The following PTK6 variants were observed in gnomAD, a reference collection of about 807,000 sequenced individuals.
PTK6 encodes the protein protein-tyrosine kinase 6.
In PTK6, 47 loss-of-function variants were observed where a neutral mutation model predicts 47.5. The observed-to-expected ratio is 0.99, with a 90% confidence interval of 0.78 to 1.26. The LOEUF is 1.26. Among genes scored for constraint, PTK6 ranks in the 50% most tolerant of loss-of-function variants. The pLI is 0.00. For missense variants in PTK6, 618 were observed against 625.3 expected (o/e 0.99, Z 0.12); for synonymous variants, 287 against 276.5 (o/e 1.04, Z -0.38).
rs910299645 is a variant in PTK6 at position 63,533,343 on chromosome 20, G to A, written c.670+208C>T. 6.6e-6 allele frequency among the ~76,000 whole-genome samples: 1 copy of A among 152,138 alleles called. No individual in the cohort carries two copies. The highest frequency in any genetic ancestry group is 2.4e-5 in the African/African-American group (1 of 41,418). On this transcript the variant is annotated intron_variant, in intron 4 of 7. Transcript: ENST00000542869. The surrounding 1 kb of genome is among the most constrained non-coding windows in gnomAD (Gnocchi z 4.0). ...GGCTTCCCAAAGTGTGGGGATTACA[G>A]ATGTGAGCCACCGTGCCCGGCCTAA...
chr20:63,534,911 G>A (rs2082652188), intron 2 of PTK6, 27 bp downstream of exon 2: 2 of 1,576,924 alleles, frequency 1.3e-6, no homozygotes, highest in Non-Finnish European at 1.7e-6. Context: ...CCGCAGGCAA[G>A]CACAGGCTCG....
In PTK6 at chr20:63,533,442, G is replaced by T. The variant is rs113689887; in HGVS notation, c.670+109C>A. 1.8e-5 allele frequency: 24 copies of T among 1,308,872 alleles called. No homozygotes were observed. Among genetic ancestry groups the T allele is most frequent in the Non-Finnish European group, 2.4e-5 (23 of 966,920 alleles). The allele number at this position is 1,308,872 out of a possible 1,614,324, so 81.1% of individuals were successfully genotyped here. A position where few individuals can be genotyped will look rare whatever the true frequency, so the allele number is the denominator to read the frequency against. On this transcript the variant is annotated intron_variant, in intron 4 of 7. Coordinates refer to ENST00000542869, the MANE Select transcript of PTK6 (RefSeq NM_005975.4). This position sits in a 1 kb window ranked among gnomAD's most constrained non-coding sequence, Gnocchi z 4.0. ...GAAAGGGAACCACTCTCGCATGGAC[G>T]CTGTGGGTGCTGCTTGGGGCTCGAG... is the stretch of plus-strand genomic sequence containing the variant.
intron 5 of PTK6, among the ~76,000 whole-genome samples, chr20:63,531,566 G>A (rs2082621702): frequency 6.7e-6 from 1 of 149,484 alleles, no homozygotes; most frequent in Non-Finnish European, 1.5e-5. Flanking sequence ...AGTGAGCCGA[G>A]ACTGCGCCAT....
At chr20:63,535,358 A>G (rs2082656420) in intron 1 of PTK6, among the ~76,000 whole-genome samples, 1 of 152,122 alleles carries the variant, frequency 6.6e-6, no homozygotes, top group Non-Finnish European at 1.5e-5. Context: ...GCAGCTGAGC[A>G]GGATGGCTGC....
chr20:63,535,774 T>A (rs1331680688), intron 1 of PTK6, among the ~76,000 whole-genome samples: 2 of 1,636 alleles, frequency 1.2e-3, no homozygotes, highest in Non-Finnish European at 2.6e-3. Flanking sequence ...GCCCCCCCCC[T>A]CACCTGGCCT....
Position 63,530,159 on chromosome 20 carries a change from G to A in PTK6, c.1087C>T (p.His363Tyr), listed in dbSNP as rs151098954. Reference protein sequence around the residue: ...WTAPEALSRGHYSTKSDVWSF... With the variant: ...WTAPEALSRGYYSTKSDVWSF... ...CAGACGTCGGATTTGGTGGAGTAAT[G>A]GCCTCGGGAGAGCGCTTCAGGGGCC... Residue 363 changes from histidine to tyrosine, a missense_variant, in exon 7 of 8, where the codon CAT (histidine) becomes TAT (tyrosine). Transcript: ENST00000542869. This position sits in a 1 kb window ranked among gnomAD's most constrained non-coding sequence, Gnocchi z 4.1. The A allele has an allele frequency of 6.8e-5, 109 of 1,614,108 alleles. No individual in the cohort carries two copies. In the African/African-American group the frequency reaches 1.2e-3, roughly 18 times the overall value.
In PTK6 at chr20:63,533,023, A is replaced by G. The variant is rs1376970982; in HGVS notation, c.671-336T>C. ...TTACCCATTTCCAGTGATCTATTTT[A>G]ATGGCTTTCCATTACGTCAAGGATT... is the stretch of plus-strand genomic sequence containing the variant. On this transcript the variant is annotated intron_variant, in intron 4 of 7. Transcript: ENST00000542869. The surrounding 1 kb of genome is among the most constrained non-coding windows in gnomAD (Gnocchi z 4.0). 1.3e-5 allele frequency among the ~76,000 whole-genome samples: 2 copies of G among 151,346 alleles called. No homozygotes were observed. Among genetic ancestry groups the G allele is most frequent in the African/African-American group, 4.9e-5 (2 of 41,110 alleles).
At chr20:63,536,257 C>G (rs907540817) in intron 1 of PTK6, among the ~76,000 whole-genome samples, 3 of 131,400 alleles carry the variant, frequency 2.3e-5, no homozygotes, top group African/African-American at 9.0e-5. Context: ...TGGGAGCTGA[C>G]CAGCCTCCGG....
At position 63,537,270 on chromosome 20, in the gene PTK6, G is replaced by T. The variant is rs1157653093; in HGVS notation, c.45C>A (p.Gly15=). The change falls in exon 1 of 8, where the codon GGC becomes GGA. Residue 15 remains glycine (G), a synonymous_variant. Coordinates refer to ENST00000542869, the MANE Select transcript of PTK6 (RefSeq NM_005975.4). ...CCGTCCGGGACTTGAAGTCCCAGAG[G>T]CCCACATACTTGGGGCCCAGGTGAG... ...DQAHLGPKYV[G]LWDFKSRTDE... The T allele has an allele frequency of 6.2e-7, 1 of 1,612,190 alleles. No homozygotes were observed. The highest frequency in any genetic ancestry group is 1.1e-5 in the South Asian group (1 of 91,016).
Position 63,533,571 on chromosome 20 carries a change from GC to G in PTK6, c.649del (p.Ala217ProfsTer4). The part of the protein sequence containing the change: ...EGLWKDRVQV[A>X]IKVISRDNLL... Reference sequence around the variant, plus strand: ...CTCACCTCGAGAAATCACCTTAATGGCCACCTGGACCCGGTCTTTCCAGAGC... The same window carrying G: ...CTCACCTCGAGAAATCACCTTAATGGCACCTGGACCCGGTCTTTCCAGAGC... On this transcript the variant is annotated frameshift_variant, in exon 4 of 8. Transcript: ENST00000542869. LOFTEE classifies it high-confidence loss of function. This position sits in a 1 kb window ranked among gnomAD's most constrained non-coding sequence, Gnocchi z 4.0. The G allele has an allele frequency of 6.2e-7, 1 of 1,611,860 alleles. No homozygotes were observed. The highest frequency in any genetic ancestry group is 8.5e-7 in the Non-Finnish European group (1 of 1,178,920).
intron 2 of PTK6, 102 bp downstream of exon 2, chr20:63,534,836 C>G (rs370462257): frequency 2.1e-6 from 3 of 1,432,624 alleles, no homozygotes; most frequent in South Asian, 2.8e-5. Context: ...GAGCCCATGT[C>G]CCCCGTCTCA....
chr20:63,531,299 T>C (rs2145970651), intron 5 of PTK6, among the ~76,000 whole-genome samples: 1 of 150,658 alleles, frequency 6.6e-6, no homozygotes, highest in Admixed American at 6.6e-5. Context: ...CGGGCGCCTG[T>C]AGTCCCAGCT....
At chr20:63,535,183 G>C in intron 1 of PTK6, 124 bp from the exon 2 acceptor site, 1 of 1,332,856 alleles carries the variant, frequency 7.5e-7, no homozygotes, top group African/African-American at 1.5e-5. Context: ...TCCCAGCCCT[G>C]ACCACAGCTG....
At chr20:63,535,085 G>A (rs547738791) in intron 1 of PTK6, 26 bp from the exon 2 acceptor site, 28 of 1,571,462 alleles carry the variant, frequency 1.8e-5, no homozygotes, top group South Asian at 1.6e-4. Flanking sequence ...CTGAGAACAC[G>A]CGGACCTGGG....
rs559680179 is a variant in PTK6 at position 63,532,387 on chromosome 20, GTGTC to G, written c.832+135_832+138del. The G allele has an allele frequency of 0.023, 25,506 of 1,111,710 alleles. 4,486 individuals are homozygous for G. The African/African-American group carries it at 0.45, about 20-fold the overall frequency. 68.9% of individuals were successfully genotyped at this position (1,111,710 alleles called of 1,614,324 possible). ...TGTGTGTCTCTGTGTGTCTGTGTCT[GTGTC>G]TGTGTGTGCATGTGTGTGTCTGTGT... On this transcript the variant is annotated intron_variant, in intron 5 of 7. Coordinates refer to ENST00000542869, the MANE Select transcript of PTK6 (RefSeq NM_005975.4).
chr20:63,536,895 C>T (rs936197942), intron 1 of PTK6, among the ~76,000 whole-genome samples, 190 bp downstream of exon 1: 2 of 152,382 alleles, frequency 1.3e-5, no homozygotes, highest in African/African-American at 4.8e-5. Flanking sequence ...GTCCTGGGCA[C>T]TCCTGGGCGC....
intron 1 of PTK6, among the ~76,000 whole-genome samples, chr20:63,535,660 C>T (rs967452949): frequency 6.6e-6 from 1 of 151,868 alleles, no homozygotes; most frequent in Non-Finnish European, 1.5e-5. Context: ...ACAAACCCCA[C>T]ACAGAAGACC....
At chr20:63,532,918 G>A (rs2082636409) in intron 4 of PTK6, among the ~76,000 whole-genome samples, 1 of 152,238 alleles carries the variant, frequency 6.6e-6, no homozygotes, top group Non-Finnish European at 1.5e-5. Context: ...GTGGCCACCC[G>A]ATTTCTTCCT....
chr20:63,536,840 G>C (rs1275475950), intron 1 of PTK6, among the ~76,000 whole-genome samples: 7 of 152,230 alleles, frequency 4.6e-5, no homozygotes, highest in Non-Finnish European at 1.0e-4. Flanking sequence ...GCCCAAGGCA[G>C]GGGCCGTGCC....
Sources: gnomAD v4.1 joint callset for allele counts (sites outside exome capture counted in the v4.1 genomes callset) on GRCh38, gnomAD v4.1.1 for gene constraint, Gnocchi (gnomAD v3.1) non-coding constraint, MANE v1.5 for transcripts, NCBI Gene and HGNC (gene_info 2026-07-23, HGNC 2026-07-21) for gene names.